EEA1: variants seen among roughly 807,000 people sequenced by gnomAD.
The protein encoded by EEA1 is early endosome antigen 1, also known as early endosome antigen 1, 162kD.
EEA1 carries 111 observed loss-of-function variants against 209.2 expected under a neutral mutation model. That is an observed-to-expected ratio of 0.53 (90% CI 0.45 to 0.62). The LOEUF is 0.62. EEA1 is among the 20% of genes least tolerant of loss of function. EEA1 has a pLI of 0.00. For missense variants in EEA1, 1,343 were observed against 1,530.8 expected (o/e 0.88, Z 2.05); for synonymous variants, 536 against 540.6 (o/e 0.99, Z 0.12).
Position 92,924,951 on chromosome 12 carries a change from T to C in EEA1, c.24+4092A>G, listed in dbSNP as rs185316053. Among the ~76,000 whole-genome samples, 59 of 151,504 alleles carry C rather than the reference T, an allele frequency of 3.9e-4. 1 individual carries two copies. The East Asian group carries it at 0.011, about 29-fold the overall frequency. ...TAGCAATACTTTCATCAAACTTAGA[T>C]GGGCAACTAATCTGGGAAGCCTTCC... On this transcript the variant is annotated intron_variant, in intron 1 of 28. Transcript: ENST00000322349.
chr12:92,852,075 A>T, intron 8 of EEA1, 100 bp downstream of exon 8: 1 of 953,620 alleles, frequency 1.0e-6, no homozygotes, highest in African/African-American at 1.7e-5. Context: ...TCCTGATTTC[A>T]CTCAAATTAT....
intron 17 of EEA1, 144 bp downstream of exon 17, chr12:92,811,135 A>T (rs1401565893): frequency 6.0e-6 from 3 of 499,274 alleles, no homozygotes; most frequent in East Asian, 7.2e-5. Flanking sequence ...AAGACATGAA[A>T]AATTACAAGC....
At position 92,802,537 on chromosome 12, in the gene EEA1, A is replaced by G; in HGVS notation, c.2537T>C (p.Met846Thr). 6.3e-7 allele frequency: 1 copy of G among 1,599,072 alleles called. No individual in the cohort carries two copies. The highest frequency in any genetic ancestry group is 1.8e-5 in the Admixed American group (1 of 56,150). ...CTCTGTCATTAAAGCTTCTTTCTCC[A>G]TTTTCACTTTTTGTAGTTCTGTTAC... The part of the protein sequence containing the change: ...TTVTELQKVK[M>T]EKEALMTELS... The change falls in exon 19 of 29, where the codon ATG becomes ACG. Residue 846 changes from methionine to threonine, a missense_variant. This residue lies in a region of EEA1 where 1,307 missense variants were observed against 1,465.5 expected (regional missense o/e 0.89). Transcript: ENST00000322349.
intron 3 of EEA1, chr12:92,859,031 T>G: frequency 1.4e-6 from 1 of 692,692 alleles, no homozygotes; most frequent in Non-Finnish European, 2.6e-6. Context: ...AGAACGGTTC[T>G]TGTTCAGGTC....
chr12:92,849,609 A>G (rs1167345334), intron 9 of EEA1, among the ~76,000 whole-genome samples: 4 of 152,222 alleles, frequency 2.6e-5, no homozygotes, highest in Non-Finnish European at 4.4e-5. Context: ...TCCAAATATC[A>G]TAAGTTAGAG....
chr12:92,829,253 G>C (rs542246092), intron 11 of EEA1, among the ~76,000 whole-genome samples: 1 of 152,184 alleles, frequency 6.6e-6, no homozygotes, highest in East Asian at 1.9e-4. Flanking sequence ...GTTGCAGTGA[G>C]CTGAAATCTC....
At chr12:92,858,317 A>C (rs1299301043) in intron 3 of EEA1, 2 of 761,496 alleles carry the variant, frequency 2.6e-6, no homozygotes, top group Admixed American at 1.8e-5. Flanking sequence ...CTGTTGACTA[A>C]CAGAAAATGC....
chr12:92,861,230 C>T (rs1452734328), intron 3 of EEA1, among the ~76,000 whole-genome samples: 3 of 152,232 alleles, frequency 2.0e-5, no homozygotes, highest in East Asian at 3.9e-4. Flanking sequence ...CCGAGGCGGG[C>T]AGATCACCTG....
At position 92,852,950 on chromosome 12, in the gene EEA1, A is replaced by T. The variant is rs144833802; in HGVS notation, c.482T>A (p.Phe161Tyr). Reference protein sequence around the residue: ...NFNIKQMKDLFEQKAAQLATE... With the variant: ...NFNIKQMKDLYEQKAAQLATE... ...AGCAAGTTGGGCTGCTTTCTGTTCA[A>T]ATAAGTCTTTCATTTGCTTAATATT... Residue 161 changes from phenylalanine to tyrosine, a missense_variant, in exon 7 of 29, where the codon TTT becomes TAT. Around this residue, in one of 3 missense-constraint regions of EEA1, gnomAD observed 1,307 missense variants for 1,465.5 expected, o/e 0.89. Coordinates refer to ENST00000322349, the MANE Select transcript of EEA1 (RefSeq NM_003566.4). 4.5e-5 allele frequency: 73 copies of T among 1,612,376 alleles called. No individual in the cohort carries two copies. The East Asian group carries it at 1.5e-3, about 34-fold the overall frequency.
chr12:92,896,420 C>T (rs998101000), intron 1 of EEA1, among the ~76,000 whole-genome samples: 6 of 152,024 alleles, frequency 3.9e-5, no homozygotes, highest in Admixed American at 2.6e-4. Flanking sequence ...TAGAATATTC[C>T]ATAAATTTAG....
chr12:92,782,969 G>A (rs989168845), intron 22 of EEA1, among the ~76,000 whole-genome samples: 6 of 152,204 alleles, frequency 3.9e-5, no homozygotes, highest in South Asian at 2.1e-4. Flanking sequence ...GGGAGGGCAC[G>A]GAAGCTCTGT....
intron 24 of EEA1, among the ~76,000 whole-genome samples, chr12:92,779,610 C>A (rs563574290): frequency 2.0e-5 from 3 of 152,190 alleles, no homozygotes; most frequent in Admixed American, 2.0e-4. Flanking sequence ...AGTTATCACA[C>A]ACTGAGTTAC....
At position 92,825,807 on chromosome 12, in the gene EEA1, ATTAT is replaced by A. The variant is rs1248093351; in HGVS notation, c.1524+355_1524+358del. Reference sequence around the variant, plus strand: ...GTCAATAATAAACAATAATGAATAAATTATTTATAAGTAATTTAAATAAATGTAT... The same window carrying A: ...GTCAATAATAAACAATAATGAATAAATTATAAGTAATTTAAATAAATGTAT... On this transcript the variant is annotated intron_variant, in intron 13 of 28. Coordinates refer to ENST00000322349, the MANE Select transcript of EEA1 (RefSeq NM_003566.4). 1.4e-4 allele frequency among the ~76,000 whole-genome samples: 21 copies of A among 151,038 alleles called. 1 individual carries two copies. Among genetic ancestry groups the A allele is most frequent in the African/African-American group, 5.1e-4 (21 of 41,418 alleles).
intron 3 of EEA1, among the ~76,000 whole-genome samples, chr12:92,859,821 A>G (rs1302618005): frequency 6.6e-6 from 1 of 152,116 alleles, no homozygotes; most frequent in African/African-American, 2.4e-5. Flanking sequence ...TGAATTTGTA[A>G]TATCTTGAGC....
At chr12:92,848,284 G>C (rs1028201852) in intron 9 of EEA1, among the ~76,000 whole-genome samples, 1 of 150,292 alleles carries the variant, frequency 6.7e-6, no homozygotes, top group Non-Finnish European at 1.5e-5. Context: ...AGGAGGAGAC[G>C]ATGGAGGGAG....
chr12:92,892,524 T>A (rs1040175103), intron 1 of EEA1, among the ~76,000 whole-genome samples: 4 of 149,628 alleles, frequency 2.7e-5, no homozygotes, highest in Admixed American at 6.7e-5. Flanking sequence ...AAAATGCAGA[T>A]CTTCTGATTC....
At position 92,779,272 on chromosome 12, in the gene EEA1, T is replaced by C. The variant is rs1267734620; in HGVS notation, c.3497A>G (p.Gln1166Arg). Residue 1166 changes from glutamine (Q) to arginine (R), a missense_variant, in exon 25 of 29, where the codon CAG becomes CGG. Physicochemically the swap from Gln to Arg is conservative, Grantham distance 43. Transcript: ENST00000322349. ...TTCTAATTTCTGCTGAATTAGAAGC[T>C]GTTTAGCATCTTTAAGATTTGTTAT... ...KEITNLKDAK[Q>R]LLIQQKLELQ... is the part of the protein sequence containing the mutation. The C allele has an allele frequency of 6.2e-7, 1 of 1,602,630 alleles. No homozygotes were observed. The highest frequency in any genetic ancestry group is 2.3e-5 in the East Asian group (1 of 44,430).
intron 22 of EEA1, among the ~76,000 whole-genome samples, chr12:92,784,147 A>C: frequency 6.6e-6 from 1 of 152,178 alleles, no homozygotes; most frequent in East Asian, 1.9e-4. Flanking sequence ...TTAATTGAGA[A>C]CACTGCTAAG....
intron 21 of EEA1, among the ~76,000 whole-genome samples, chr12:92,792,242 A>T (rs193290640): frequency 5.4e-4 from 82 of 152,296 alleles, no homozygotes; most frequent in Non-Finnish European, 1.0e-3. Flanking sequence ...ACAAATTCAC[A>T]AGCAAGCACA....
Sources: allele counts gnomAD v4.1 joint callset (sites outside exome capture counted in the v4.1 genomes callset), GRCh38; gene constraint gnomAD v4.1.1; regional missense constraint gnomAD v4.1.1; transcripts MANE v1.5; gene names NCBI Gene and HGNC (gene_info 2026-07-23, HGNC 2026-07-21).